Variants in FRMD5 observed in about 807,000 individuals in gnomAD.
FRMD5 encodes the protein FERM domain containing 5.
FRMD5 carries 20 observed loss-of-function variants against 69.0 expected under a neutral mutation model. The ratio of observed to expected loss-of-function variants is 0.29; its 90% CI spans 0.20 to 0.42. The LOEUF (loss-of-function observed/expected upper bound fraction) is 0.42. Among genes scored for constraint, FRMD5 ranks in the 10% least tolerant of loss-of-function variants. The pLI, the probability that FRMD5 is intolerant of heterozygous loss-of-function variation, is 1.00. For missense variants in FRMD5, 595 were observed against 708.6 expected (o/e 0.84, Z 1.82); for synonymous variants, 271 against 260.1 (o/e 1.04, Z -0.40).
chr15:43,878,353 G>A (rs1337175528), intron 13 of FRMD5, among the ~76,000 whole-genome samples: 1 of 152,104 alleles, frequency 6.6e-6, no homozygotes, highest in Admixed American at 6.5e-5. Context: ...AACTGTAGTC[G>A]GATTCCATGG....
intron 1 of FRMD5, among the ~76,000 whole-genome samples, chr15:43,937,283 C>T (rs2089777176): frequency 6.6e-6 from 1 of 152,166 alleles, no homozygotes; most frequent in African/African-American, 2.4e-5. Context: ...CCAGCCTTAT[C>T]ATTTGTCACA....
chr15:44,167,783 G>T (rs1215913839), intron 1 of FRMD5, among the ~76,000 whole-genome samples: 1 of 152,126 alleles, frequency 6.6e-6, no homozygotes, highest in Non-Finnish European at 1.5e-5. Context: ...TAGGGACGGG[G>T]TTTCGCTATG....
At chr15:44,033,999 A>T (rs1891801108) in intron 1 of FRMD5, among the ~76,000 whole-genome samples, 1 of 152,186 alleles carries the variant, frequency 6.6e-6, no homozygotes, top group Admixed American at 6.5e-5. Flanking sequence ...ATACAGGAAA[A>T]CACAATAGGC....
intron 4 of FRMD5, among the ~76,000 whole-genome samples, chr15:43,911,209 T>C (rs2089281955): frequency 6.6e-6 from 1 of 152,240 alleles, no homozygotes; most frequent in African/African-American, 2.4e-5. Context: ...ACAGATTCTT[T>C]GATAATCCTA....
intron 1 of FRMD5, among the ~76,000 whole-genome samples, chr15:44,143,806 T>C (rs1377277767): frequency 2.6e-5 from 4 of 150,946 alleles, no homozygotes; most frequent in Admixed American, 1.3e-4. Context: ...GCACCTGTTG[T>C]CCCAGCTACT....
Position 44,128,179 on chromosome 15 carries a change from G to A in FRMD5, c.102+66774C>T, listed in dbSNP as rs529980484. ...TATATCCATACTATTTAGCACTCAT[G>A]AGTTAAGAAATTAAGTTTCACTGGG... On this transcript the variant is annotated intron_variant, in intron 1 of 13. Coordinates refer to ENST00000417257, the MANE Select transcript of FRMD5 (RefSeq NM_032892.5). Among the ~76,000 whole-genome samples, 9 of 152,300 alleles carry A rather than the reference G, an allele frequency of 5.9e-5. No homozygotes were observed. In the East Asian group the frequency reaches 1.7e-3, roughly 29 times the overall value.
rs2088804597 is a variant in FRMD5 at position 43,892,001 on chromosome 15, C to T, written c.708G>A (p.Lys236=). The T allele has an allele frequency of 2.5e-6, 4 of 1,614,148 alleles. No homozygotes were observed. The highest frequency in any genetic ancestry group is 3.4e-6 in the Non-Finnish European group (4 of 1,179,980). ...CTCACCATTTAATGAAGTGGACCCT[C>T]TTGTTTCCTTGAAGAACAACAAACC... ...PFGFVVLQGN[K]RVHFIKWNEV... The change falls in exon 8 of 14, where the codon AAG becomes AAA. Residue 236 remains lysine, a synonymous_variant. Coordinates refer to ENST00000417257, the MANE Select transcript of FRMD5 (RefSeq NM_032892.5).
chr15:44,053,771 T>A (rs1892761307), intron 1 of FRMD5, among the ~76,000 whole-genome samples: 1 of 152,150 alleles, frequency 6.6e-6, no homozygotes, highest in African/African-American at 2.4e-5. Flanking sequence ...GCTAACAAGA[T>A]AATTAGATAT....
intron 1 of FRMD5, among the ~76,000 whole-genome samples, chr15:44,151,191 AT>A (rs1413929043): frequency 6.6e-6 from 1 of 151,782 alleles, no homozygotes; most frequent in Non-Finnish European, 1.5e-5. Context: ...AGATCAGGAG[AT>A]TGAGACCATC....
chr15:44,125,241 G>A (rs924347781), intron 1 of FRMD5, among the ~76,000 whole-genome samples: 4 of 152,034 alleles, frequency 2.6e-5, no homozygotes, highest in African/African-American at 9.7e-5. Context: ...ATTTGAGACT[G>A]TAGTGAGCTA....
intron 1 of FRMD5, among the ~76,000 whole-genome samples, chr15:43,937,467 G>GT (rs1287319331): frequency 6.6e-6 from 1 of 151,946 alleles, no homozygotes; most frequent in African/African-American, 2.4e-5. Flanking sequence ...GCAAAACCCT[G>GT]TCTCTACTAA....
intron 1 of FRMD5, among the ~76,000 whole-genome samples, chr15:44,155,349 T>C (rs2077510232): frequency 6.6e-6 from 1 of 151,792 alleles, no homozygotes; most frequent in Non-Finnish European, 1.5e-5. Flanking sequence ...CAAGAATTGC[T>C]TGAACCCAGG....
intron 1 of FRMD5, among the ~76,000 whole-genome samples, chr15:43,932,541 G>A (rs955561530): frequency 6.6e-5 from 10 of 152,092 alleles, no homozygotes; most frequent in African/African-American, 1.4e-4. Flanking sequence ...AGGAGGAGCT[G>A]AATAAGGGGA....
intron 1 of FRMD5, among the ~76,000 whole-genome samples, chr15:43,960,469 T>C (rs1167801984): frequency 2.0e-5 from 3 of 152,220 alleles, no homozygotes; most frequent in African/African-American, 7.2e-5. Context: ...CAGGATGGTC[T>C]CGATCTCCCG....
intron 1 of FRMD5, among the ~76,000 whole-genome samples, chr15:43,950,536 T>C (rs1035434636): frequency 6.6e-6 from 1 of 152,174 alleles, no homozygotes; most frequent in Non-Finnish European, 1.5e-5. Flanking sequence ...CCCATTCCTG[T>C]GGGCAGGGAT....
intron 1 of FRMD5, among the ~76,000 whole-genome samples, chr15:44,035,164 C>T (rs1395524697): frequency 2.0e-5 from 3 of 152,192 alleles, no homozygotes; most frequent in African/African-American, 7.2e-5. Flanking sequence ...TCACAGGTGA[C>T]TCTTCCGGGG....
At chr15:44,069,646 C>T (rs561118177) in intron 1 of FRMD5, among the ~76,000 whole-genome samples, 63 of 152,032 alleles carry the variant, frequency 4.1e-4, no homozygotes, top group Non-Finnish European at 8.2e-4. Context: ...TAGTAGTTGC[C>T]AAGTGTCAAG....
intron 1 of FRMD5, among the ~76,000 whole-genome samples, chr15:43,966,867 G>A (rs1001003289): frequency 6.6e-6 from 1 of 152,158 alleles, no homozygotes; most frequent in African/African-American, 2.4e-5. Context: ...TCCAAGTGGT[G>A]TTCTAGGATG....
intron 1 of FRMD5, among the ~76,000 whole-genome samples, chr15:44,019,349 C>T (rs1195356137): frequency 6.6e-6 from 1 of 151,832 alleles, no homozygotes; most frequent in Non-Finnish European, 1.5e-5. Flanking sequence ...GATCTAACAC[C>T]ATCATCCAAG....
Sources: gnomAD v4.1 joint callset for allele counts (sites outside exome capture counted in the v4.1 genomes callset) on GRCh38, gnomAD v4.1.1 for gene constraint, MANE v1.5 for transcripts, NCBI Gene and HGNC (gene_info 2026-07-23, HGNC 2026-07-21) for gene names.